TPTE: variants seen among roughly 807,000 people sequenced by gnomAD.
TPTE encodes the protein transmembrane phosphatase with tensin homology.
A neutral mutation model predicts 84.1 loss-of-function variants in TPTE; 59 were observed. That is an observed-to-expected ratio of 0.70 (90% CI 0.57 to 0.87). The LOEUF is 0.87. TPTE is among the 40% of genes least tolerant of loss of function. TPTE has a pLI of 0.00. For synonymous variants in TPTE, 130 were observed against 223.5 expected (o/e 0.58, Z 3.73); for missense variants, 382 against 659.6 (o/e 0.58, Z 4.61).
At chr21:10,596,778 G>T (rs1224043295) in intron 20 of TPTE, among the ~76,000 whole-genome samples, 2 of 152,306 alleles carry the variant, frequency 1.3e-5, no homozygotes, top group African/African-American at 4.8e-5. Flanking sequence ...GGTGCCATGG[G>T]GCCAGGATGC....
chr21:10,546,208 C>A (rs2074464954), intron 7 of TPTE, among the ~76,000 whole-genome samples: 1 of 152,298 alleles, frequency 6.6e-6, no homozygotes, highest in South Asian at 2.1e-4. Flanking sequence ...ATTATCATAT[C>A]TGTTATGGTG....
At chr21:10,536,430 G>T (rs1215351102) in intron 3 of TPTE, among the ~76,000 whole-genome samples, 3 of 152,304 alleles carry the variant, frequency 2.0e-5, no homozygotes, top group African/African-American at 7.2e-5. Context: ...TATTCCTTTA[G>T]CCTGCATACA....
At chr21:10,532,651 A>T (rs1488351373) in intron 3 of TPTE, among the ~76,000 whole-genome samples, 5 of 152,428 alleles carry the variant, frequency 3.3e-5, no homozygotes, top group Non-Finnish European at 7.3e-5. Context: ...TTTCTTCTAA[A>T]TATTGCTTCA....
At chr21:10,542,203 G>C (rs1171309031) in intron 5 of TPTE, among the ~76,000 whole-genome samples, 192 bp from the exon 6 acceptor site, 1 of 152,308 alleles carries the variant, frequency 6.6e-6, no homozygotes, top group Non-Finnish European at 1.5e-5. Context: ...CCCCGCCTAA[G>C]ATTTTGGTTG....
intron 15 of TPTE, among the ~76,000 whole-genome samples, chr21:10,577,894 A>G (rs654341): frequency 0.19 from 25,566 of 132,812 alleles, 19 homozygotes; most frequent in African/African-American, 0.46. Flanking sequence ...GCATGTGATG[A>G]GAGCAAGGCT....
chr21:10,533,366 A>G (rs1469678925), intron 3 of TPTE, among the ~76,000 whole-genome samples: 1 of 152,308 alleles, frequency 6.6e-6, no homozygotes, highest in Non-Finnish European at 1.5e-5. Context: ...CCTTAAGAAT[A>G]TTTGTCATGC....
chr21:10,601,986 A>T lies in TPTE; in HGVS notation c.1357-72A>T, dbSNP rs538041579. 365 of 1,509,722 alleles carry T rather than the reference A, an allele frequency of 2.4e-4. No individual in the cohort carries two copies. The Middle Eastern group carries it at 0.011, about 46-fold the overall frequency. 93.5% of individuals were successfully genotyped at this position (1,509,722 alleles called of 1,614,324 possible). ...TACTTGATAAATACAGGAAGTCATG[A>T]TAAGTGAAAAGGAACTTCATTGTTA... On this transcript the variant is annotated intron_variant, in intron 21 of 23. Coordinates refer to ENST00000618007, the MANE Select transcript of TPTE (RefSeq NM_199261.4).
chr21:10,522,722 C>T (rs565721009), intron 1 of TPTE, among the ~76,000 whole-genome samples: 2 of 152,420 alleles, frequency 1.3e-5, no homozygotes, highest in African/African-American at 4.8e-5. Flanking sequence ...TTTATTTTTT[C>T]TTATACTCAA....
rs2075375498 is a variant in TPTE at position 10,586,820 on chromosome 21, T to C, written c.1028-3642T>C. On this transcript the variant is annotated intron_variant, in intron 17 of 23. Coordinates refer to ENST00000618007, the MANE Select transcript of TPTE (RefSeq NM_199261.4). ...AGATTAAGGAGTTATTCTAAAGATTTACTTACTACACTGACTTTCTACACT... is the reference window on the plus strand; with the variant it reads ...AGATTAAGGAGTTATTCTAAAGATTCACTTACTACACTGACTTTCTACACT... 2.0e-5 allele frequency among the ~76,000 whole-genome samples: 3 copies of C among 152,430 alleles called. No homozygotes were observed. The South Asian group carries it at 6.2e-4, about 32-fold the overall frequency.
intron 14 of TPTE, among the ~76,000 whole-genome samples, chr21:10,573,060 A>T (rs1192087430): frequency 2.8e-3 from 53 of 19,130 alleles, no homozygotes; most frequent in African/African-American, 5.4e-3. Flanking sequence ...GCCAAGATTT[A>T]AAAAAAAAAA....
chr21:10,557,150 T>C (rs2074700762), intron 8 of TPTE, among the ~76,000 whole-genome samples: 1 of 152,312 alleles, frequency 6.6e-6, no homozygotes, highest in East Asian at 1.9e-4. Flanking sequence ...ACTCAAGCAC[T>C]TTGAGTAATT....
intron 14 of TPTE, among the ~76,000 whole-genome samples, chr21:10,574,460 A>C (rs2075110669): frequency 6.6e-6 from 1 of 152,310 alleles, no homozygotes; most frequent in African/African-American, 2.4e-5. Flanking sequence ...GGCTATAGGA[A>C]TTAAGAACTA....
intron 9 of TPTE, among the ~76,000 whole-genome samples, chr21:10,560,263 A>G (rs2074770800): frequency 6.6e-6 from 1 of 152,304 alleles, no homozygotes; most frequent in Non-Finnish European, 1.5e-5. Context: ...GAAACAATTT[A>G]CTTAGACTCT....
chr21:10,558,532 G>T (rs2074729173), intron 8 of TPTE, among the ~76,000 whole-genome samples: 1 of 152,304 alleles, frequency 6.6e-6, no homozygotes, highest in African/African-American at 2.4e-5. Flanking sequence ...ATGTTTGTTG[G>T]CCACATGCAT....
Position 10,603,625 on chromosome 21 carries a change from A to T in TPTE, c.1513A>T (p.Asn505Tyr). 1 of 1,612,106 alleles carries T rather than the reference A, an allele frequency of 6.2e-7. No homozygotes were observed. The highest frequency in any genetic ancestry group is 8.5e-7 in the Non-Finnish European group (1 of 1,178,444). The change falls in exon 23 of 24, where the codon AAT (asparagine) becomes TAT (tyrosine). Residue 505 changes from asparagine (N) to tyrosine (Y), a missense_variant. By Grantham distance (143) the Asn-to-Tyr change is moderately radical. Transcript: ENST00000618007. Reference protein sequence around the residue: ...YFWLHTSFIENNRLYLPKNEL... With the variant: ...YFWLHTSFIEYNRLYLPKNEL... ...CTGGTTGCACACATCTTTTATTGAA[A>T]ATAACAGGTATGAATATAATAGAAA...
At chr21:10,548,083 C>T (rs2074502719) in intron 7 of TPTE, among the ~76,000 whole-genome samples, 5 of 152,312 alleles carry the variant, frequency 3.3e-5, no homozygotes, top group Admixed American at 2.0e-4. Flanking sequence ...GCCTGAGAAA[C>T]AGTCCCACAG....
At chr21:10,532,431 T>A (rs1437938175) in intron 3 of TPTE, among the ~76,000 whole-genome samples, 1 of 152,424 alleles carries the variant, frequency 6.6e-6, no homozygotes, top group South Asian at 2.1e-4. Context: ...ATTGTAGTAA[T>A]CTTTGCAAAG....
chr21:10,544,368 C>T (rs1394584858), intron 7 of TPTE, among the ~76,000 whole-genome samples: 7 of 152,304 alleles, frequency 4.6e-5, no homozygotes, highest in Admixed American at 1.3e-4. Context: ...GAGGCATGGG[C>T]GAATTAAAAT....
At chr21:10,602,991 A>C (rs1978762577) in intron 22 of TPTE, among the ~76,000 whole-genome samples, 2 of 152,310 alleles carry the variant, frequency 1.3e-5, no homozygotes, top group Admixed American at 1.3e-4. Context: ...GTCCCTGCAG[A>C]GTATGGGGGT....
Sources: allele counts gnomAD v4.1 joint callset (sites outside exome capture counted in the v4.1 genomes callset), GRCh38; gene constraint gnomAD v4.1.1; transcripts MANE v1.5; gene names NCBI Gene and HGNC (gene_info 2026-07-23, HGNC 2026-07-21).